CYP20A1: variants seen among roughly 807,000 people sequenced by gnomAD.
The protein encoded by CYP20A1 is cytochrome P450 20A1.
In CYP20A1, 61 loss-of-function variants were observed where a neutral mutation model predicts 61.4. That is an observed-to-expected ratio of 0.99 (90% CI 0.81 to 1.23). The LOEUF (loss-of-function observed/expected upper bound fraction) is 1.23. CYP20A1 is among the 50% of genes most tolerant of loss of function. The pLI is 0.00. For missense variants in CYP20A1, 530 were observed against 542.4 expected (o/e 0.98, Z 0.23); for synonymous variants, 193 against 188.2 (o/e 1.03, Z -0.21).
At position 203,298,262 on chromosome 2, in the gene CYP20A1, C is replaced by A. The variant is rs756659341; in HGVS notation, c.*1354C>A. The A allele has an allele frequency of 2.3e-5, 4 of 170,394 alleles. No individual in the cohort carries two copies. Among genetic ancestry groups the A allele is most frequent in the African/African-American group, 4.8e-5 (2 of 41,854 alleles). The allele number at this position is 170,394 out of a possible 1,614,324, so 10.6% of individuals were successfully genotyped here. On this transcript the variant is annotated 3_prime_UTR_variant, in exon 13 of 13. Coordinates refer to ENST00000356079, the MANE Select transcript of CYP20A1 (RefSeq NM_177538.3). ...AAATTACTGGGCATGGTGACACACA[C>A]CTGTAGTCCCAGCTGTTCTGAAGGC...
At chr2:203,290,658 T>C (rs2152109357) in intron 10 of CYP20A1, among the ~76,000 whole-genome samples, 1 of 152,312 alleles carries the variant, frequency 6.6e-6, no homozygotes, top group South Asian at 2.1e-4. Flanking sequence ...AATTTAATTT[T>C]TTGAGACAGA....
intron 1 of CYP20A1, among the ~76,000 whole-genome samples, chr2:203,244,599 A>G (rs185810788): frequency 6.6e-5 from 10 of 152,070 alleles, no homozygotes; most frequent in Non-Finnish European, 1.3e-4. Context: ...CTGGGACCAT[A>G]TATAAACTCA....
At position 203,271,054 on chromosome 2, in the gene CYP20A1, GTATATA is replaced by G. The variant is rs869253470; in HGVS notation, c.601-1592_601-1587del. 2.3e-3 allele frequency among the ~76,000 whole-genome samples: 92 copies of G among 40,278 alleles called. 2 individuals are homozygous for G. The highest frequency in any genetic ancestry group is 6.8e-3 in the African/African-American group (77 of 11,322). The allele number at this position is 40,278 out of a possible 152,430, so 26.4% of individuals were successfully genotyped here. A position where few individuals can be genotyped will look rare whatever the true frequency, so the allele number is the denominator to read the frequency against. On this transcript the variant is annotated intron_variant, in intron 5 of 12. Coordinates refer to ENST00000356079, the MANE Select transcript of CYP20A1 (RefSeq NM_177538.3). Reference sequence around the variant, plus strand: ...TGTATATATATATATATGTATATGTGTATATATATATATATATATATATATATATTT... The same window carrying G: ...TGTATATATATATATATGTATATGTGTATATATATATATATATATATATTT...
intron 11 of CYP20A1, among the ~76,000 whole-genome samples, chr2:203,295,692 A>G (rs541111427): frequency 6.6e-6 from 1 of 152,308 alleles, no homozygotes; most frequent in Admixed American, 6.5e-5. Context: ...TCATACCTAT[A>G]ATCCCAGCAC....
intron 5 of CYP20A1, among the ~76,000 whole-genome samples, chr2:203,269,496 T>TA (rs1180905946): frequency 4.2e-5 from 5 of 120,026 alleles, no homozygotes; most frequent in African/African-American, 1.6e-4. Context: ...AATATATAGT[T>TA]CTTTTTTTTT....
intron 5 of CYP20A1, among the ~76,000 whole-genome samples, chr2:203,269,532 T>C (rs2067475166): frequency 6.6e-6 from 1 of 151,580 alleles, no homozygotes; most frequent in Non-Finnish European, 1.5e-5. Flanking sequence ...TTCGCTCTTA[T>C]CGCACAGGCT....
chr2:203,257,949 T>C (rs2066964781), intron 4 of CYP20A1, among the ~76,000 whole-genome samples: 2 of 152,346 alleles, frequency 1.3e-5, no homozygotes, highest in Non-Finnish European at 2.9e-5. Context: ...TTGCCTGGGC[T>C]CAAGTGCAGT....
chr2:203,261,928 A>C (rs937463936), intron 4 of CYP20A1, among the ~76,000 whole-genome samples: 4 of 151,942 alleles, frequency 2.6e-5, no homozygotes, highest in African/African-American at 9.7e-5. Flanking sequence ...GCTGCTGGCC[A>C]CTCCATGCTG....
chr2:203,286,030 G>T (rs562417727), intron 9 of CYP20A1, among the ~76,000 whole-genome samples: 1 of 152,122 alleles, frequency 6.6e-6, no homozygotes, highest in Non-Finnish European at 1.5e-5. Context: ...AGGCTTGACC[G>T]GGCGTGGTGG....
At chr2:203,264,773 A>G (rs1317499821) in intron 4 of CYP20A1, among the ~76,000 whole-genome samples, 1 of 152,008 alleles carries the variant, frequency 6.6e-6, no homozygotes, top group Admixed American at 6.6e-5. Flanking sequence ...TCTGTCGCCC[A>G]GGCTGGAGTG....
chr2:203,260,204 G>A (rs1476268610), intron 4 of CYP20A1, among the ~76,000 whole-genome samples: 2 of 151,444 alleles, frequency 1.3e-5, no homozygotes, highest in East Asian at 3.9e-4. Context: ...TGGGATTGCA[G>A]ATGTGAGCCA....
chr2:203,279,335 G>A (rs2067953013), intron 7 of CYP20A1, among the ~76,000 whole-genome samples: 1 of 152,056 alleles, frequency 6.6e-6, no homozygotes, highest in Non-Finnish European at 1.5e-5. Context: ...AGCTCTTTGA[G>A]GCAGCTGTAT....
chr2:203,278,751 A>C (rs1185889002), intron 7 of CYP20A1, 63 bp downstream of exon 7: 3 of 848,666 alleles, frequency 3.5e-6, no homozygotes, highest in Non-Finnish European at 5.5e-6. Flanking sequence ...ACAATGGCTC[A>C]TGACTGTAGT....
intron 10 of CYP20A1, among the ~76,000 whole-genome samples, chr2:203,291,064 A>T (rs1375857238): frequency 6.6e-6 from 1 of 152,042 alleles, no homozygotes; most frequent in African/African-American, 2.4e-5. Flanking sequence ...GTCAAAGTCC[A>T]TGTATATGTT....
At chr2:203,291,234 A>C (rs2068520247) in intron 10 of CYP20A1, among the ~76,000 whole-genome samples, 1 of 151,980 alleles carries the variant, frequency 6.6e-6, no homozygotes, top group Non-Finnish European at 1.5e-5. Flanking sequence ...ACAGAGTCTC[A>C]CTATGTTGTC....
chr2:203,246,040 A>G (rs1202949311), intron 2 of CYP20A1, 145 bp downstream of exon 2: 1 of 591,384 alleles, frequency 1.7e-6, no homozygotes, highest in Non-Finnish European at 3.0e-6. Flanking sequence ...CAGGAGTTTA[A>G]TGCTTCAGTG....
At chr2:203,246,652 C>G (rs1359714026) in intron 2 of CYP20A1, 103 bp from the exon 3 acceptor site, 1 of 1,131,976 alleles carries the variant, frequency 8.8e-7, no homozygotes, top group Non-Finnish European at 1.2e-6. Context: ...TTTCATGAAC[C>G]TTTGTTCTCA....
intron 4 of CYP20A1, among the ~76,000 whole-genome samples, chr2:203,256,352 T>C (rs2066893868): frequency 6.6e-6 from 1 of 151,984 alleles, no homozygotes. Context: ...GTTTTATTTA[T>C]TTATTTTTAT....
chr2:203,285,195 A>G (rs999692317), intron 8 of CYP20A1, among the ~76,000 whole-genome samples: 1 of 152,148 alleles, frequency 6.6e-6, no homozygotes, highest in South Asian at 2.1e-4. Flanking sequence ...ATTTGTCTGA[A>G]TTATTTCATT....
Sources: gnomAD v4.1 joint callset for allele counts (sites outside exome capture counted in the v4.1 genomes callset) on GRCh38, gnomAD v4.1.1 for gene constraint, MANE v1.5 for transcripts, NCBI Gene and HGNC (gene_info 2026-07-23, HGNC 2026-07-21) for gene names.